The following FGF14 variants were observed in gnomAD, a reference collection of about 807,000 sequenced individuals.
The protein encoded by FGF14 is fibroblast growth factor homologous factor 4.
A neutral mutation model predicts 25.5 loss-of-function variants in FGF14; 5 were observed. That is an observed-to-expected ratio of 0.20 (90% CI 0.10 to 0.41). FGF14 has a LOEUF of 0.41. FGF14 is among the 10% of genes least tolerant of loss of function. The probability of loss-of-function intolerance (pLI) is 1.00; values close to 1 mark genes in which losing one functional copy is unlikely to be tolerated. For missense variants in FGF14, 222 were observed against 320.1 expected, an observed-to-expected ratio of 0.69 and a Z score of 2.34; for synonymous variants, 138 against 118.3, an observed-to-expected ratio of 1.17 and a Z score of -1.08.
intron 1 of FGF14, among the ~76,000 whole-genome samples, chr13:101,909,260 G>A (rs1013519201): frequency 6.6e-6 from 1 of 152,114 alleles, no homozygotes; most frequent in Non-Finnish European, 1.5e-5. Flanking sequence ...TTAAACTAAA[G>A]AGCTTCTGCA....
chr13:102,127,075 T>G (rs1173542511), intron 1 of FGF14, among the ~76,000 whole-genome samples: 6 of 152,118 alleles, frequency 3.9e-5, no homozygotes, highest in Admixed American at 1.3e-4. Flanking sequence ...GCTCTTCCAT[T>G]GCACCAGGAT....
At chr13:102,182,847 A>C (rs80140204) in intron 1 of FGF14, among the ~76,000 whole-genome samples, 2,574 of 152,304 alleles carry the variant, frequency 0.017, 77 homozygotes, top group African/African-American at 0.058. Context: ...CTCAAAAAGA[A>C]TTAAAAGAAA....
intron 1 of FGF14, among the ~76,000 whole-genome samples, chr13:102,156,359 C>T (rs1389548143): frequency 5.9e-5 from 9 of 152,136 alleles, no homozygotes; most frequent in Non-Finnish European, 7.4e-5. Flanking sequence ...GTTCAACACA[C>T]AAAAATCAAT....
intron 3 of FGF14, among the ~76,000 whole-genome samples, chr13:101,817,744 G>T (rs576556275): frequency 6.6e-6 from 1 of 152,110 alleles, no homozygotes; most frequent in African/African-American, 2.4e-5. Flanking sequence ...AGCACTCAGG[G>T]TGCCACTAGG....
At chr13:101,982,322 C>T (rs1160645651) in intron 1 of FGF14, among the ~76,000 whole-genome samples, 1 of 152,136 alleles carries the variant, frequency 6.6e-6, no homozygotes, top group African/African-American at 2.4e-5. Flanking sequence ...TGATTGTTCA[C>T]AGAAATTCTT....
intron 1 of FGF14, among the ~76,000 whole-genome samples, chr13:101,972,256 T>C (rs1367280348): frequency 2.0e-5 from 3 of 152,222 alleles, no homozygotes; most frequent in African/African-American, 7.2e-5. Context: ...AGCCCAGTGC[T>C]GAACGAGGTT....
rs150829164 is a variant in FGF14 at position 102,308,849 on chromosome 13, G to T, written c.208+92622C>A. On this transcript the variant is annotated intron_variant, in intron 1 of 4. Transcript: ENST00000376131. ...GACCTGGTACCTGGGGTGTTATTGG[G>T]GGCAGAAGATGGCAAACATCCAGAC... 1.3e-3 allele frequency among the ~76,000 whole-genome samples: 200 copies of T among 150,912 alleles called. 2 individuals are homozygous for T. Among genetic ancestry groups the T allele is most frequent in the African/African-American group, 4.6e-3 (190 of 40,966 alleles).
intron 3 of FGF14, among the ~76,000 whole-genome samples, chr13:101,831,240 C>CTATT (rs71125026): frequency 0.019 from 2,869 of 147,442 alleles, 41 homozygotes; most frequent in South Asian, 0.034. Context: ...ATGTTAGTTA[C>CTATT]TATTTATTTA....
chr13:102,015,379 T>C (rs1028180036), intron 1 of FGF14, among the ~76,000 whole-genome samples: 2 of 152,188 alleles, frequency 1.3e-5, no homozygotes, highest in African/African-American at 4.8e-5. Context: ...GGCTCTACAC[T>C]TGAAAATGTT....
Position 101,743,388 on chromosome 13 carries a change from C to T in FGF14, c.409-16578G>A, listed in dbSNP as rs140843863. On this transcript the variant is annotated intron_variant, in intron 3 of 4. Transcript: ENST00000376143. ...GGAATTCTACAAATGGGAACATAAG[C>T]TTGTTGTTTAAGGAGGAAAATTTAA... Among the ~76,000 whole-genome samples, 172 of 152,186 alleles carry T rather than the reference C, an allele frequency of 1.1e-3. 1 individual carries two copies. Among genetic ancestry groups the T allele is most frequent in the African/African-American group, 3.5e-3 (144 of 41,522 alleles).
At chr13:101,792,567 A>G (rs2040298617) in intron 3 of FGF14, among the ~76,000 whole-genome samples, 1 of 152,178 alleles carries the variant, frequency 6.6e-6, no homozygotes, top group Admixed American at 6.6e-5. Context: ...TTATTGATTT[A>G]TGCCCCAAAT....
intron 3 of FGF14, among the ~76,000 whole-genome samples, chr13:101,794,952 T>G (rs1387920676): frequency 6.6e-6 from 1 of 152,186 alleles, no homozygotes; most frequent in Non-Finnish European, 1.5e-5. Flanking sequence ...ATATTTCTAT[T>G]ACAAGTTTAT....
At chr13:101,977,288 T>C (rs2037984892) in intron 1 of FGF14, among the ~76,000 whole-genome samples, 1 of 152,190 alleles carries the variant, frequency 6.6e-6, no homozygotes, top group Admixed American at 6.5e-5. Flanking sequence ...GTACTGCTTA[T>C]GAATACACCA....
At chr13:101,809,161 C>CCT (rs34645077) in intron 3 of FGF14, among the ~76,000 whole-genome samples, 115,397 of 151,846 alleles carry the variant, frequency 0.76, 43,862 homozygotes, top group Middle Eastern at 0.84. Flanking sequence ...AAAATTTTCC[C>CCT]GTTTTATGTT....
At chr13:101,879,297 A>T (rs1050161793) in intron 1 of FGF14, among the ~76,000 whole-genome samples, 2 of 152,228 alleles carry the variant, frequency 1.3e-5, no homozygotes, top group Admixed American at 1.3e-4. Flanking sequence ...ACTCTGTGCT[A>T]ACAATGATCT....
chr13:101,726,043 C>G (rs2035398657), intron 4 of FGF14, among the ~76,000 whole-genome samples: 1 of 151,798 alleles, frequency 6.6e-6, no homozygotes, highest in African/African-American at 2.4e-5. Context: ...AGAAGTAATG[C>G]TACAAATGTA....
At chr13:102,050,539 T>C (rs1476667867) in intron 1 of FGF14, among the ~76,000 whole-genome samples, 1 of 152,174 alleles carries the variant, frequency 6.6e-6, no homozygotes, top group Non-Finnish European at 1.5e-5. Context: ...TGTCTAATAA[T>C]GATTGAGAAA....
intron 1 of FGF14, among the ~76,000 whole-genome samples, chr13:102,319,607 G>A (rs912944167): frequency 7.2e-5 from 11 of 152,226 alleles, no homozygotes; most frequent in African/African-American, 1.7e-4. Context: ...AACCAGCTGC[G>A]ATGCCTTACA....
At chr13:102,243,123 G>C (rs1594553047) in intron 1 of FGF14, among the ~76,000 whole-genome samples, 1 of 152,058 alleles carries the variant, frequency 6.6e-6, no homozygotes, top group East Asian at 1.9e-4. Flanking sequence ...AAGCCCTAAA[G>C]GATAGCAGAG....
Sources: allele counts gnomAD v4.1 joint callset (sites outside exome capture counted in the v4.1 genomes callset), GRCh38; gene constraint gnomAD v4.1.1; transcripts MANE v1.5; gene names NCBI Gene and HGNC (gene_info 2026-07-23, HGNC 2026-07-21).